Variants in GSDMC observed in about 807,000 individuals in gnomAD.
GSDMC encodes gasdermin-C.
A neutral mutation model predicts 58.0 loss-of-function variants in GSDMC; 59 were observed. The ratio of observed to expected loss-of-function variants is 1.02; its 90% confidence interval spans 0.82 to 1.26. The LOEUF (loss-of-function observed/expected upper bound fraction) is 1.26, where lower values mean the gene tolerates loss of function less well. Ranked by LOEUF, GSDMC falls within the 50% of genes most tolerant of loss-of-function variation. The pLI is 0.00. For synonymous variants in GSDMC, 241 were observed against 220.2 expected (o/e 1.09, Z -0.83); for missense variants, 659 against 598.5 (o/e 1.10, Z -1.06).
At chr8:129,732,537 C>A in the GSDMC span, among the ~76,000 whole-genome samples, 1 of 152,118 alleles carries the variant, frequency 6.6e-6, no homozygotes, top group Non-Finnish European at 1.5e-5. Context: ...GTGACACCAC[C>A]AAATGATCAC....
At chr8:129,705,996 A>C in the GSDMC span, among the ~76,000 whole-genome samples, 1 of 152,162 alleles carries the variant, frequency 6.6e-6, no homozygotes, top group Non-Finnish European at 1.5e-5. Flanking sequence ...CAGTGACCTG[A>C]TATTGGAAAT....
the GSDMC span, among the ~76,000 whole-genome samples, chr8:129,740,167 G>A: frequency 6.6e-6 from 1 of 152,166 alleles, no homozygotes; most frequent in Non-Finnish European, 1.5e-5. Context: ...TATTATAAAA[G>A]AGTCAAAAGG....
downstream of GSDMC, among the ~76,000 whole-genome samples, chr8:129,746,675 G>A (rs2032969282): frequency 6.6e-6 from 1 of 152,162 alleles, no homozygotes; most frequent in South Asian, 2.1e-4. Context: ...ACATTTAGAT[G>A]TATATGCAAA....
intron 1 of GSDMC, among the ~76,000 whole-genome samples, chr8:129,782,989 C>T (rs1195515556): frequency 6.6e-6 from 1 of 151,520 alleles, no homozygotes; most frequent in Non-Finnish European, 1.5e-5. Flanking sequence ...TTCAACAATA[C>T]ATTAAAAATA....
the GSDMC span, among the ~76,000 whole-genome samples, chr8:129,741,562 T>C: frequency 6.6e-6 from 1 of 152,050 alleles, no homozygotes; most frequent in Non-Finnish European, 1.5e-5. Flanking sequence ...ATCAGGAAAA[T>C]GCAAATTAAA....
At chr8:129,739,691 C>G in the GSDMC span, among the ~76,000 whole-genome samples, 2 of 152,094 alleles carry the variant, frequency 1.3e-5, no homozygotes, top group Non-Finnish European at 1.5e-5. Flanking sequence ...ACTTCACAGC[C>G]AGCCATATAA....
the GSDMC span, among the ~76,000 whole-genome samples, chr8:129,734,897 T>C: frequency 1.3e-5 from 2 of 152,298 alleles, no homozygotes; most frequent in African/African-American, 4.8e-5. Flanking sequence ...GACCCATCAG[T>C]GTGCTGTATT....
the GSDMC span, among the ~76,000 whole-genome samples, chr8:129,726,607 C>T: frequency 6.6e-6 from 1 of 152,146 alleles, no homozygotes; most frequent in Non-Finnish European, 1.5e-5. Context: ...GTTTTAATTA[C>T]CTCCAAGGTA....
At chr8:129,769,205 G>C (rs1050351284) in intron 3 of GSDMC, among the ~76,000 whole-genome samples, 16 of 151,878 alleles carry the variant, frequency 1.1e-4, no homozygotes, top group Non-Finnish European at 1.5e-5. Flanking sequence ...GAACCCAAAA[G>C]GGTCTACACC....
chr8:129,753,068 C>T (rs1353789677), intron 6 of GSDMC, among the ~76,000 whole-genome samples: 1 of 152,160 alleles, frequency 6.6e-6, no homozygotes, highest in Non-Finnish European at 1.5e-5. Flanking sequence ...CAGTCTAGGA[C>T]AGAAGGACTG....
chr8:129,766,648 G>A (rs1224107004), intron 3 of GSDMC, among the ~76,000 whole-genome samples: 1 of 151,990 alleles, frequency 6.6e-6, no homozygotes, highest in Non-Finnish European at 1.5e-5. Context: ...CACTGACCTT[G>A]CCCCTTATCC....
chr8:129,749,946 A>G (rs1227361246), intron 12 of GSDMC, 44 bp downstream of exon 12: 4 of 1,530,302 alleles, frequency 2.6e-6, no homozygotes, highest in Non-Finnish European at 1.8e-6. Context: ...GGTCCTGGGG[A>G]CCAATCTTGT....
the GSDMC span, among the ~76,000 whole-genome samples, chr8:129,710,118 C>G: frequency 3.3e-5 from 5 of 152,126 alleles, no homozygotes; most frequent in African/African-American, 4.8e-5. Context: ...TCTTCATGCA[C>G]GTATTTTTTT....
chr8:129,781,520 A>G (rs144982115), intron 1 of GSDMC, among the ~76,000 whole-genome samples: 1,745 of 152,282 alleles, frequency 0.011, 29 homozygotes, highest in African/African-American at 0.04. Flanking sequence ...CGAGACGGGC[A>G]GATCACGAGG....
chr8:129,749,543 G>A lies in GSDMC; in HGVS notation c.1214-18C>T, dbSNP rs529706307. ...ACTCAGCACTGAGGGTGGGGGACAT[G>A]TGGGGAAAGACAGTAGTGAAGAATC... On this transcript the variant is annotated intron_variant, in intron 12 of 13. Coordinates refer to ENST00000276708, the MANE Select transcript of GSDMC (RefSeq NM_031415.3). The A allele has an allele frequency of 6.2e-7, 1 of 1,600,276 alleles. No individual in the cohort carries two copies. The highest frequency in any genetic ancestry group is 1.3e-5 in the African/African-American group (1 of 74,726).
the GSDMC span, among the ~76,000 whole-genome samples, chr8:129,714,015 A>T: frequency 5.3e-5 from 8 of 152,228 alleles, no homozygotes; most frequent in African/African-American, 1.7e-4. Context: ...CAAACATCAC[A>T]TGAAGCAGCA....
chr8:129,752,885 T>A (rs2033271156), intron 6 of GSDMC, 65 bp from the exon 7 acceptor site: 7 of 1,608,834 alleles, frequency 4.4e-6, no homozygotes, highest in Non-Finnish European at 5.1e-6. Context: ...TGCCTTGTCA[T>A]AGCAGAGAGC....
At chr8:129,776,588 C>T (rs2034233850) in intron 2 of GSDMC, among the ~76,000 whole-genome samples, 1 of 152,208 alleles carries the variant, frequency 6.6e-6, no homozygotes, top group African/African-American at 2.4e-5. Flanking sequence ...TTCAGGCACA[C>T]TGTCTCCTCT....
At chr8:129,721,664 T>A in the GSDMC span, among the ~76,000 whole-genome samples, 2 of 152,194 alleles carry the variant, frequency 1.3e-5, no homozygotes, top group African/African-American at 4.8e-5. Context: ...ATCCAGGTCC[T>A]CATTACTACC....
Sources: allele counts gnomAD v4.1 joint callset (sites outside exome capture counted in the v4.1 genomes callset), GRCh38; gene constraint gnomAD v4.1.1; transcripts MANE v1.5; gene names NCBI Gene and HGNC (gene_info 2026-07-23, HGNC 2026-07-21).